Variants in PTPRT observed in about 807,000 individuals in gnomAD.
PTPRT encodes the protein receptor-type tyrosine-protein phosphatase T.
PTPRT carries 56 observed loss-of-function variants against 176.8 expected under a neutral mutation model. The ratio of observed to expected loss-of-function variants is 0.32; its 90% CI spans 0.26 to 0.40. The LOEUF (loss-of-function observed/expected upper bound fraction) is 0.40, where lower values mean the gene tolerates loss of function less well. Among genes scored for constraint, PTPRT ranks in the 10% least tolerant of loss-of-function variants. The pLI, the probability that PTPRT is intolerant of heterozygous loss-of-function variation, is 1.00. For missense variants in PTPRT, 1,540 were observed against 1,908.2 expected (o/e 0.81, Z 3.60); for synonymous variants, 783 against 739.0 (o/e 1.06, Z -0.96).
At chr20:42,263,229 C>CT (rs199961803) in intron 13 of PTPRT, among the ~76,000 whole-genome samples, 2,419 of 151,732 alleles carry the variant, frequency 0.016, 54 homozygotes, top group African/African-American at 0.055. Flanking sequence ...CTTTTCTTTT[C>CT]TTTTTTTTGA....
At chr20:43,117,927 C>T (rs1179261030) in intron 1 of PTPRT, among the ~76,000 whole-genome samples, 4 of 152,114 alleles carry the variant, frequency 2.6e-5, no homozygotes, top group Non-Finnish European at 4.4e-5. Context: ...TAGATAGCAT[C>T]GACATTCAGT....
At chr20:42,630,519 C>T (rs1374896605) in intron 7 of PTPRT, among the ~76,000 whole-genome samples, 1 of 152,120 alleles carries the variant, frequency 6.6e-6, no homozygotes, top group Admixed American at 6.5e-5. Flanking sequence ...TTCAGGTCCC[C>T]AACAAAGAGC....
chr20:42,143,754 C>T (rs1988738525), intron 17 of PTPRT, among the ~76,000 whole-genome samples: 3 of 152,108 alleles, frequency 2.0e-5, no homozygotes, highest in Non-Finnish European at 4.4e-5. Flanking sequence ...GAGGCACTCC[C>T]AGGGAGTTTG....
At position 42,338,210 on chromosome 20, in the gene PTPRT, T is replaced by G. The variant is rs73616988; in HGVS notation, c.1865+12418A>C. ...TTTAATCATGGGAGCATTAACATGT[T>G]TCTGTAATTTATATACCTGCAGTAT... On this transcript the variant is annotated intron_variant, in intron 11 of 30. Coordinates refer to ENST00000373187, the MANE Select transcript of PTPRT (RefSeq NM_007050.6). Among the ~76,000 whole-genome samples the G allele has an allele frequency of 4.3e-4, 65 of 152,352 alleles. No homozygotes were observed. In the East Asian group the frequency reaches 0.011, roughly 27 times the overall value.
intron 1 of PTPRT, among the ~76,000 whole-genome samples, chr20:43,088,301 G>T (rs2011684914): frequency 6.6e-6 from 1 of 150,564 alleles, no homozygotes; most frequent in Non-Finnish European, 1.5e-5. Context: ...CTCCCAAAAT[G>T]TTATATTGTG....
At chr20:42,588,305 G>A (rs1328693003) in intron 7 of PTPRT, among the ~76,000 whole-genome samples, 3 of 152,104 alleles carry the variant, frequency 2.0e-5, no homozygotes, top group Admixed American at 6.6e-5. Context: ...TTAGCCAGGC[G>A]TGGTGGTGCA....
At chr20:42,553,454 C>T (rs748871413) in intron 7 of PTPRT, among the ~76,000 whole-genome samples, 3 of 152,072 alleles carry the variant, frequency 2.0e-5, no homozygotes, top group South Asian at 2.1e-4. Context: ...CTTTTCCTCT[C>T]ATGCATGCTG....
intron 7 of PTPRT, among the ~76,000 whole-genome samples, chr20:42,570,418 C>A (rs968867340): frequency 6.6e-6 from 1 of 152,152 alleles, no homozygotes. Flanking sequence ...GTAGTGAAAA[C>A]CACTTAATCT....
intron 9 of PTPRT, among the ~76,000 whole-genome samples, chr20:42,422,742 C>T (rs559607656): frequency 3.9e-5 from 6 of 152,096 alleles, no homozygotes; most frequent in African/African-American, 7.2e-5. Flanking sequence ...TAAAGACACA[C>T]GCATGTAGAT....
intron 9 of PTPRT, among the ~76,000 whole-genome samples, chr20:42,358,930 A>T (rs2058394433): frequency 6.6e-6 from 1 of 152,136 alleles, no homozygotes; most frequent in African/African-American, 2.4e-5. Flanking sequence ...TTAATGAACT[A>T]CTCAAGTGTA....
intron 7 of PTPRT, among the ~76,000 whole-genome samples, chr20:42,580,833 A>C (rs1004929315): frequency 6.6e-6 from 1 of 152,174 alleles, no homozygotes; most frequent in Non-Finnish European, 1.5e-5. Flanking sequence ...CTAGATATAC[A>C]ATCATGTCAT....
intron 6 of PTPRT, among the ~76,000 whole-genome samples, chr20:42,742,323 C>G (rs4810371): frequency 0.75 from 113,845 of 152,170 alleles, 42,896 homozygotes; most frequent in East Asian, 0.93. Flanking sequence ...AGAAGGGCCA[C>G]GGTAACAGAC....
chr20:43,052,638 G>C (rs1987091161), intron 1 of PTPRT, among the ~76,000 whole-genome samples: 1 of 152,200 alleles, frequency 6.6e-6, no homozygotes. Flanking sequence ...GGTTTATTAA[G>C]ATATAATTCA....
At chr20:42,516,999 C>T (rs1468067196) in intron 7 of PTPRT, among the ~76,000 whole-genome samples, 1 of 151,982 alleles carries the variant, frequency 6.6e-6, no homozygotes, top group Non-Finnish European at 1.5e-5. Flanking sequence ...GCTATAATTT[C>T]CTTTCTCATG....
chr20:42,404,332 C>A (rs1229895854), intron 9 of PTPRT, among the ~76,000 whole-genome samples: 1 of 152,086 alleles, frequency 6.6e-6, no homozygotes, highest in East Asian at 1.9e-4. Context: ...GATGAAGACA[C>A]CAAATAAAAA....
chr20:42,885,375 A>T (rs1278232350), intron 2 of PTPRT, among the ~76,000 whole-genome samples: 1 of 148,396 alleles, frequency 6.7e-6, no homozygotes, highest in Non-Finnish European at 1.5e-5. Context: ...ATAATATATA[A>T]CAATAATATA....
At chr20:42,244,567 T>C (rs1666966537) in intron 14 of PTPRT, among the ~76,000 whole-genome samples, 1 of 152,142 alleles carries the variant, frequency 6.6e-6, no homozygotes, top group Admixed American at 6.5e-5. Context: ...TCCAGGCAAG[T>C]CCAGGGGTGC....
Position 43,079,065 on chromosome 20 carries a change from G to A in PTPRT, c.88+110581C>T, listed in dbSNP as rs1357007358. 2.0e-5 allele frequency among the ~76,000 whole-genome samples: 3 copies of A among 151,934 alleles called. No homozygotes were observed. In the East Asian group the frequency reaches 5.8e-4, roughly 29 times the overall value. On this transcript the variant is annotated intron_variant, in intron 1 of 30. Coordinates refer to ENST00000373187, the MANE Select transcript of PTPRT (RefSeq NM_007050.6). ...TATACTTTGAACCCAGATATTCCCT[G>A]GAAATTAAGAGTCACTTTTTAAGCA...
At chr20:42,170,634 G>A (rs1023246441) in intron 16 of PTPRT, among the ~76,000 whole-genome samples, 1 of 152,120 alleles carries the variant, frequency 6.6e-6, no homozygotes, top group Non-Finnish European at 1.5e-5. Context: ...TAAAACGCAA[G>A]GAAAGCAGAA....
Sources: gnomAD v4.1 joint callset for allele counts (sites outside exome capture counted in the v4.1 genomes callset) on GRCh38, gnomAD v4.1.1 for gene constraint, MANE v1.5 for transcripts, NCBI Gene and HGNC (gene_info 2026-07-23, HGNC 2026-07-21) for gene names.